Variants in NRIP1 observed in about 807,000 individuals in gnomAD.
The protein encoded by NRIP1 is nuclear receptor interacting protein 1, also known as nuclear receptor-interacting protein 1.
NRIP1 carries 28 observed loss-of-function variants against 75.0 expected under a neutral mutation model. The observed-to-expected ratio is 0.37, with a 90% CI of 0.28 to 0.51. The LOEUF is 0.51. Ranked by LOEUF, NRIP1 falls within the 20% of genes least tolerant of loss-of-function variation. The pLI is 0.92. For missense variants in NRIP1, 1,435 were observed against 1,343.7 expected (o/e 1.07, Z -1.06); for synonymous variants, 526 against 487.6 (o/e 1.08, Z -1.04).
At chr21:15,042,644 C>T (rs2088983000) in intron 2 of NRIP1, among the ~76,000 whole-genome samples, 1 of 152,168 alleles carries the variant, frequency 6.6e-6, no homozygotes, top group Non-Finnish European at 1.5e-5. Context: ...CACCTCCACC[C>T]ATGTGAGGTT....
At chr21:14,997,580 T>A (rs1452168580) in intron 3 of NRIP1, among the ~76,000 whole-genome samples, 1 of 151,812 alleles carries the variant, frequency 6.6e-6, no homozygotes, top group Non-Finnish European at 1.5e-5. Context: ...CGTCTGTTAT[T>A]AACAGCAGGA....
chr21:15,002,008 C>A (rs1458690129), intron 3 of NRIP1, among the ~76,000 whole-genome samples: 2 of 152,138 alleles, frequency 1.3e-5, no homozygotes, highest in African/African-American at 4.8e-5. Flanking sequence ...TTCAAATGAA[C>A]TCTCTTGGAC....
chr21:15,044,181 T>A (rs2089020338), intron 1 of NRIP1, among the ~76,000 whole-genome samples: 1 of 151,990 alleles, frequency 6.6e-6, no homozygotes, highest in Non-Finnish European at 1.5e-5. Context: ...TGTAAAAAGT[T>A]AATGTCAAAG....
At chr21:15,009,693 T>A (rs2147152519) in intron 3 of NRIP1, among the ~76,000 whole-genome samples, 1 of 152,292 alleles carries the variant, frequency 6.6e-6, no homozygotes, top group East Asian at 1.9e-4. Flanking sequence ...CTTTAAGTAA[T>A]CACCTCCAAG....
chr21:15,011,469 G>T (rs1233643941), intron 3 of NRIP1, among the ~76,000 whole-genome samples: 3 of 152,116 alleles, frequency 2.0e-5, no homozygotes, highest in Non-Finnish European at 2.9e-5. Flanking sequence ...GATTGCAAGC[G>T]TGAGCCACCA....
intron 3 of NRIP1, among the ~76,000 whole-genome samples, chr21:14,989,092 C>A (rs537204918): frequency 6.6e-6 from 1 of 152,158 alleles, no homozygotes; most frequent in Non-Finnish European, 1.5e-5. Flanking sequence ...TGTTGAGGGG[C>A]TTCTGTTCCC....
intron 1 of NRIP1, among the ~76,000 whole-genome samples, chr21:15,052,614 C>T (rs764667064): frequency 4.6e-5 from 7 of 152,174 alleles, no homozygotes; most frequent in Non-Finnish European, 1.0e-4. Flanking sequence ...AAGGTAATTA[C>T]AACTTGCTAC....
At chr21:15,035,468 A>C (rs1223879186) in intron 2 of NRIP1, among the ~76,000 whole-genome samples, 1 of 152,168 alleles carries the variant, frequency 6.6e-6, no homozygotes, top group African/African-American at 2.4e-5. Flanking sequence ...TAAAGTAACC[A>C]AGATGAAGAG....
At chr21:15,005,035 AT>A (rs1027382330) in intron 3 of NRIP1, among the ~76,000 whole-genome samples, 2 of 152,214 alleles carry the variant, frequency 1.3e-5, no homozygotes, top group Non-Finnish European at 2.9e-5. Flanking sequence ...TTATCTGAGA[AT>A]TTGATTTATA....
intron 3 of NRIP1, among the ~76,000 whole-genome samples, chr21:14,977,993 C>G (rs1467445989): frequency 1.3e-5 from 2 of 152,168 alleles, no homozygotes; most frequent in African/African-American, 4.8e-5. Flanking sequence ...GTGACGAAAA[C>G]AGCTGCCCAG....
At chr21:15,012,023 A>C (rs1055771859) in intron 3 of NRIP1, among the ~76,000 whole-genome samples, 2 of 152,170 alleles carry the variant, frequency 1.3e-5, no homozygotes, top group Non-Finnish European at 2.9e-5. Flanking sequence ...ATTATCTTTG[A>C]GCTTTCAGTC....
chr21:15,042,600 AC>A (rs1488870833), intron 2 of NRIP1, among the ~76,000 whole-genome samples: 4 of 152,144 alleles, frequency 2.6e-5, no homozygotes, highest in Non-Finnish European at 5.9e-5. Context: ...CAGGATTAGT[AC>A]CCTTATAAAA....
rs1316862882 is a variant in NRIP1, at chr21:15,021,641, A to G, written c.-457-7175T>C. Reference sequence around the variant, plus strand: ...CAAAATCATAAATTTATTTAAAATGAGTCCGATGTGCTGACAAAGGTCTCA... The same window carrying G: ...CAAAATCATAAATTTATTTAAAATGGGTCCGATGTGCTGACAAAGGTCTCA... On this transcript the variant is annotated intron_variant, in intron 2 of 3. Coordinates refer to ENST00000318948, the MANE Select transcript of NRIP1 (RefSeq NM_003489.4). Among the ~76,000 whole-genome samples the G allele has an allele frequency of 3.3e-5, 5 of 152,376 alleles. No homozygotes were observed. In the East Asian group the frequency reaches 7.7e-4, roughly 23 times the overall value.
intron 1 of NRIP1, among the ~76,000 whole-genome samples, chr21:15,047,698 G>A (rs908366937): frequency 6.6e-6 from 1 of 152,192 alleles, no homozygotes; most frequent in East Asian, 1.9e-4. Context: ...TACAATTCAA[G>A]ATGAGATTTG....
Position 14,967,943 on chromosome 21 carries a change from C to CT in NRIP1, c.249dup (p.Ala84SerfsTer8). 6.2e-7 allele frequency: 1 copy of CT among 1,614,040 alleles called. No individual in the cohort carries two copies. Among genetic ancestry groups the CT allele is most frequent in the East Asian group, 2.2e-5 (1 of 44,848 alleles). ...TCCTCAGAAGACTGCAACAGTCTGG[C>CT]TTTTTTGAGGTGCAGCATGCCAGAC... On this transcript the variant is annotated frameshift_variant, in exon 4 of 4. Coordinates refer to ENST00000318948, the MANE Select transcript of NRIP1 (RefSeq NM_003489.4). LOFTEE classifies it high-confidence loss of function.
intron 3 of NRIP1, among the ~76,000 whole-genome samples, chr21:14,983,382 A>C (rs1346391141): frequency 1.3e-5 from 2 of 152,202 alleles, no homozygotes; most frequent in African/African-American, 4.8e-5. Context: ...ATCCAGAGCA[A>C]GGCCCTAACT....
At chr21:15,028,721 C>T (rs2088578773) in intron 2 of NRIP1, among the ~76,000 whole-genome samples, 1 of 152,084 alleles carries the variant, frequency 6.6e-6, no homozygotes, top group Non-Finnish European at 1.5e-5. Flanking sequence ...ATATCCACTC[C>T]ATATAACACT....
rs1273542236 is a variant in NRIP1 at position 14,967,628 on chromosome 21, A to G, written c.565T>C (p.Leu189=). The change falls in exon 4 of 4, where the codon TTG becomes CTG. Residue 189 remains leucine, a synonymous_variant. Transcript: ENST00000318948. ...GVASSHLKTL[L]KKSKVKDQKP... is the part of the protein sequence containing the mutation. ...TGATCTTTAACTTTACTTTTCTTCA[A>G]CAAAGTTTTTAAGTGACTTGATGCA... is the stretch of plus-strand genomic sequence containing the variant. The G allele has an allele frequency of 1.2e-6, 2 of 1,613,704 alleles. No homozygotes were observed. Among genetic ancestry groups the G allele is most frequent in the Non-Finnish European group, 1.7e-6 (2 of 1,179,936 alleles).
intron 3 of NRIP1, among the ~76,000 whole-genome samples, chr21:14,975,658 G>GGAGA (rs373431636): frequency 1.4e-5 from 2 of 140,294 alleles, no homozygotes; most frequent in Non-Finnish European, 3.0e-5. Flanking sequence ...AGGAAGGAAG[G>GGAGA]GAGAGAGAGA....
Sources: allele counts gnomAD v4.1 joint callset (sites outside exome capture counted in the v4.1 genomes callset), GRCh38; gene constraint gnomAD v4.1.1; transcripts MANE v1.5; gene names NCBI Gene and HGNC (gene_info 2026-07-23, HGNC 2026-07-21).